Variants in TIPRL observed in about 807,000 individuals in gnomAD.
TIPRL encodes the protein TIP41-like protein.
TIPRL carries 10 observed loss-of-function variants against 32.3 expected under a neutral mutation model. The observed-to-expected ratio is 0.31, with a 90% CI of 0.19 to 0.52. The LOEUF (loss-of-function observed/expected upper bound fraction) is 0.52. TIPRL is among the 20% of genes least tolerant of loss of function. TIPRL has a pLI of 0.96. For missense variants in TIPRL, 250 were observed against 328.1 expected, an observed-to-expected ratio of 0.76 and a Z score of 1.84; for synonymous variants, 100 against 114.0, an observed-to-expected ratio of 0.88 and a Z score of 0.78.
At chr1:168,187,297 A>G (rs1364536900) in intron 3 of TIPRL, among the ~76,000 whole-genome samples, 1 of 152,250 alleles carries the variant, frequency 6.6e-6, no homozygotes. Context: ...TTAAACCCAT[A>G]CAATAATGAT....
intron 4 of TIPRL, chr1:168,192,452 A>G (rs1700110773): frequency 1.0e-6 from 1 of 986,130 alleles, no homozygotes; most frequent in Admixed American, 5.9e-5. Flanking sequence ...TGGGTCTCTA[A>G]TACTTTCCAG....
chr1:168,196,030 A>G (rs1056722023), intron 4 of TIPRL, among the ~76,000 whole-genome samples: 1 of 152,216 alleles, frequency 6.6e-6, no homozygotes, highest in Non-Finnish European at 1.5e-5. Context: ...CACAGATGAA[A>G]GATGTTAAGA....
At chr1:168,179,264 C>A (rs757766123) in intron 1 of TIPRL, 83 bp downstream of exon 1, 24 of 1,224,918 alleles carry the variant, frequency 2.0e-5, no homozygotes, top group Non-Finnish European at 2.1e-5. Flanking sequence ...TGCAGCCCCT[C>A]CCCTTTTCCC....
chr1:168,199,971 T>C lies in TIPRL; in HGVS notation c.744T>C (p.Val248=). The C allele has an allele frequency of 6.2e-7, 1 of 1,613,686 alleles. No individual in the cohort carries two copies. Among genetic ancestry groups the C allele is most frequent in the South Asian group, 1.1e-5 (1 of 91,068 alleles). Residue 248 remains valine (V), a synonymous_variant, in exon 7 of 7, where the codon GTT becomes GTC. Transcript: ENST00000367833. The part of the protein sequence containing the change: ...ISQYLPIKEA[V]CEKLIFPERI... ...AGTATTTACCAATAAAGGAAGCAGT[T>C]TGTGAGAAGCTAATATTTCCAGAAA...
chr1:168,199,680 G>A (rs1339566412), intron 6 of TIPRL, among the ~76,000 whole-genome samples: 1 of 152,032 alleles, frequency 6.6e-6, no homozygotes, highest in Admixed American at 6.6e-5. Flanking sequence ...GACATTTGTG[G>A]GAACATTATA....
chr1:168,193,700 TAGTA>T (rs773022366), intron 4 of TIPRL, among the ~76,000 whole-genome samples: 26 of 152,320 alleles, frequency 1.7e-4, no homozygotes, highest in Non-Finnish European at 2.9e-4. Flanking sequence ...CAAGAATACA[TAGTA>T]AGTCTTAAAC....
chr1:168,191,306 TG>T, intron 3 of TIPRL, 62 bp from the exon 4 acceptor site: 1 of 1,411,520 alleles, frequency 7.1e-7, no homozygotes, highest in Non-Finnish European at 9.4e-7. Context: ...ACTGCTTTCC[TG>T]TGTCTCTGTA....
Position 168,196,529 on chromosome 1 carries a change from CTTTT to C in TIPRL, c.517-8_517-5del. On this transcript the variant is annotated splice_polypyrimidine_tract_variant and intron_variant, in intron 4 of 6. Transcript: ENST00000367833. The stretch of plus-strand genomic sequence containing the variant: ...AATTTTTATTAAAATATTAATGTAC[CTTTT>C]TTTTTTTTTCCAGAGAGTAATGCCT... The C allele has an allele frequency of 1.8e-5, 22 of 1,255,688 alleles. No individual in the cohort carries two copies. Among genetic ancestry groups the C allele is most frequent in the South Asian group, 6.8e-5 (4 of 59,186 alleles). 77.8% of individuals were successfully genotyped at this position (1,255,688 alleles called of 1,614,324 possible). A position where few individuals can be genotyped will look rare whatever the true frequency, so the allele number is the denominator to read the frequency against.
rs577865978 is a variant in TIPRL, at chr1:168,181,440, A to G, written c.104+2259A>G. 2.2e-3 allele frequency among the ~76,000 whole-genome samples: 330 copies of G among 151,128 alleles called. 1 individual carries two copies. Among genetic ancestry groups the G allele is most frequent in the African/African-American group, 7.6e-3 (315 of 41,182 alleles). ...TGGTCAGGCTGGTCTTGAGCTCCTGACCTCAGATGATCCACCTGCCCTCGG... is the reference window on the plus strand; with the variant it reads ...TGGTCAGGCTGGTCTTGAGCTCCTGGCCTCAGATGATCCACCTGCCCTCGG... On this transcript the variant is annotated intron_variant, in intron 1 of 6. Transcript: ENST00000367833.
intron 4 of TIPRL, among the ~76,000 whole-genome samples, chr1:168,191,757 A>T (rs1700099211): frequency 6.6e-6 from 1 of 151,164 alleles, no homozygotes; most frequent in Non-Finnish European, 1.5e-5. Flanking sequence ...CTGTAGTCCC[A>T]GCTACTCGGG....
chr1:168,193,384 CATT>C (rs1051880981), intron 4 of TIPRL, among the ~76,000 whole-genome samples: 1 of 152,158 alleles, frequency 6.6e-6, no homozygotes, highest in Non-Finnish European at 1.5e-5. Flanking sequence ...TAATATATAT[CATT>C]ATTCTAGCAT....
Position 168,200,063 on chromosome 1 carries a change from T to C in TIPRL, c.*17T>C, listed in dbSNP as rs772117498. ...GTGGAATAAAATGTGATACAACATA[T>C]ACTCACTATGGAATCTGACTGGACA... is the stretch of plus-strand genomic sequence containing the variant. On this transcript the variant is annotated 3_prime_UTR_variant, in exon 7 of 7. Coordinates refer to ENST00000367833, the MANE Select transcript of TIPRL (RefSeq NM_152902.5). 1 of 1,610,430 alleles carries C rather than the reference T, an allele frequency of 6.2e-7. No individual in the cohort carries two copies.
At chr1:168,184,141 A>G in intron 2 of TIPRL, 60 bp downstream of exon 2, 1 of 1,473,210 alleles carries the variant, frequency 6.8e-7, no homozygotes, top group Non-Finnish European at 9.2e-7. Flanking sequence ...AAAAGAGAAA[A>G]GACTTGAAAA....
At chr1:168,183,621 T>C (rs1458141061) in intron 1 of TIPRL, among the ~76,000 whole-genome samples, 2 of 152,138 alleles carry the variant, frequency 1.3e-5, no homozygotes, top group East Asian at 1.9e-4. Context: ...ATATATATTA[T>C]AGTAATATCT....
chr1:168,181,637 G>C (rs1699964859), intron 1 of TIPRL, among the ~76,000 whole-genome samples: 1 of 150,950 alleles, frequency 6.6e-6, no homozygotes, highest in Non-Finnish European at 1.5e-5. Context: ...TATATATAAA[G>C]CAGTCAGCTT....
chr1:168,199,270 G>C (rs994548147), intron 6 of TIPRL, among the ~76,000 whole-genome samples: 1 of 152,054 alleles, frequency 6.6e-6, no homozygotes, highest in Non-Finnish European at 1.5e-5. Flanking sequence ...TCACATAGCT[G>C]GCTGGTGATG....
chr1:168,184,747 T>C, intron 2 of TIPRL, 32 bp from the exon 3 acceptor site: 1 of 1,384,282 alleles, frequency 7.2e-7, no homozygotes, highest in South Asian at 1.2e-5. Flanking sequence ...TCTGCATCAC[T>C]GAATCTGATC....
At chr1:168,183,329 A>G (rs1334252992) in intron 1 of TIPRL, among the ~76,000 whole-genome samples, 1 of 150,846 alleles carries the variant, frequency 6.6e-6, no homozygotes, top group African/African-American at 2.4e-5. Flanking sequence ...GGTATTCTAA[A>G]ACTGATACTT....
At chr1:168,191,152 A>G (rs1423341290) in intron 3 of TIPRL, among the ~76,000 whole-genome samples, 1 of 152,114 alleles carries the variant, frequency 6.6e-6, no homozygotes, top group Non-Finnish European at 1.5e-5. Context: ...TTTTTTTGTG[A>G]AGCTATAATA....
Sources: allele counts gnomAD v4.1 joint callset (sites outside exome capture counted in the v4.1 genomes callset), GRCh38; gene constraint gnomAD v4.1.1; transcripts MANE v1.5; gene names NCBI Gene and HGNC (gene_info 2026-07-23, HGNC 2026-07-21).